TSPAN12: variants seen among roughly 807,000 people sequenced by gnomAD.
TSPAN12 encodes the protein tetraspanin-12.
In TSPAN12, 19 loss-of-function variants were observed where a neutral mutation model predicts 39.2. The observed-to-expected ratio is 0.49, with a 90% CI of 0.34 to 0.71. The LOEUF (loss-of-function observed/expected upper bound fraction) is 0.71. Among genes scored for constraint, TSPAN12 ranks in the 30% least tolerant of loss-of-function variants. The probability of loss-of-function intolerance (pLI) is 0.01; values close to 1 mark genes in which losing one functional copy is unlikely to be tolerated. For missense variants in TSPAN12, 314 were observed against 359.9 expected (o/e 0.87, Z 1.03); for synonymous variants, 119 against 124.8 (o/e 0.95, Z 0.31).
chr7:120,810,314 T>A (rs1224524539), intron 6 of TSPAN12, 149 bp downstream of exon 6: 5 of 653,860 alleles, frequency 7.6e-6, no homozygotes, highest in Non-Finnish European at 1.4e-5. Flanking sequence ...CCTAAGATAT[T>A]TTTCAAGAAA....
chr7:120,834,690 G>T (rs1794445478), intron 4 of TSPAN12, among the ~76,000 whole-genome samples: 1 of 152,078 alleles, frequency 6.6e-6, no homozygotes, highest in South Asian at 2.1e-4. Context: ...GCTCTTAAAA[G>T]TAAAACAAGA....
At chr7:120,796,938 G>A (rs534568485) in intron 7 of TSPAN12, among the ~76,000 whole-genome samples, 4 of 152,210 alleles carry the variant, frequency 2.6e-5, no homozygotes, top group South Asian at 4.2e-4. Flanking sequence ...GGCGGATCAC[G>A]AGGTCAGGAG....
chr7:120,843,357 T>C (rs577346672), intron 2 of TSPAN12, among the ~76,000 whole-genome samples: 2 of 152,332 alleles, frequency 1.3e-5, no homozygotes, highest in South Asian at 4.1e-4. Context: ...GCTGCCTCCC[T>C]CGTTGCTTGT....
At chr7:120,815,328 C>A (rs1470696099) in intron 5 of TSPAN12, among the ~76,000 whole-genome samples, 2 of 152,128 alleles carry the variant, frequency 1.3e-5, no homozygotes, top group Non-Finnish European at 2.9e-5. Flanking sequence ...TGTGTCCCCA[C>A]CCAAATCTCA....
chr7:120,789,490 A>AT (rs1793478424), intron 7 of TSPAN12, among the ~76,000 whole-genome samples: 1 of 152,248 alleles, frequency 6.6e-6, no homozygotes, highest in Non-Finnish European at 1.5e-5. Flanking sequence ...AAACACAGAC[A>AT]TAGACATACA....
At position 120,850,132 on chromosome 7, in the gene TSPAN12, T is replaced by G. The variant is rs540713307; in HGVS notation, c.66+6566A>C. On this transcript the variant is annotated intron_variant, in intron 2 of 7. Transcript: ENST00000222747. ...AATGTAAATGATGGCTGAAATACAG[T>G]CTGGAGATTACTGGTGGGTATCATT... is the stretch of plus-strand genomic sequence containing the variant. Among the ~76,000 whole-genome samples the G allele has an allele frequency of 7.9e-5, 12 of 152,326 alleles. No homozygotes were observed. The East Asian group carries it at 1.5e-3, about 20-fold the overall frequency.
At chr7:120,824,553 T>C (rs554729348) in intron 4 of TSPAN12, among the ~76,000 whole-genome samples, 40 of 152,332 alleles carry the variant, frequency 2.6e-4, no homozygotes, top group Middle Eastern at 6.8e-3. Context: ...ATTCTGTTAT[T>C]GTCAATTTCA....
At chr7:120,853,872 C>CAA (rs749642006) in intron 2 of TSPAN12, among the ~76,000 whole-genome samples, 34 of 97,796 alleles carry the variant, frequency 3.5e-4, no homozygotes, top group East Asian at 1.7e-3. Flanking sequence ...GACTCCGTCC[C>CAA]AAAAAAAAAA....
rs1389814695 is a variant in TSPAN12 at position 120,788,603 on chromosome 7, C to G, written c.907G>C (p.Glu303Gln). 3 of 1,613,994 alleles carry G rather than the reference C, an allele frequency of 1.9e-6. No individual in the cohort carries two copies. Among genetic ancestry groups the G allele is most frequent in the South Asian group, 2.2e-5 (2 of 91,076 alleles). The change falls in exon 8 of 8, where the codon GAG (glutamate) becomes CAG (glutamine). Residue 303 changes from glutamate (E) to glutamine (Q), a missense_variant. By Grantham distance (29) the Glu-to-Gln change is conservative. Coordinates refer to ENST00000222747, the MANE Select transcript of TSPAN12 (RefSeq NM_012338.4). ...ANSFNTHFEMEEL is the reference protein window; with the variant it reads ...ANSFNTHFEMQEL ...TGTGACATTTCTTTTTATAACTCCT[C>G]CATCTCAAAGTGTGTATTAAAGCTG...
intron 2 of TSPAN12, among the ~76,000 whole-genome samples, chr7:120,851,724 T>A (rs1012378913): frequency 1.3e-5 from 2 of 152,148 alleles, no homozygotes; most frequent in African/African-American, 4.8e-5. Flanking sequence ...GTAACCCACG[T>A]CCTTACTCCA....
Position 120,788,527 on chromosome 7 carries a change from T to C in TSPAN12, c.*65A>G, listed in dbSNP as rs1431065412. 2 of 1,562,420 alleles carry C rather than the reference T, an allele frequency of 1.3e-6. No homozygotes were observed. The highest frequency in any genetic ancestry group is 2.7e-5 in the African/African-American group (2 of 73,772). Reference sequence around the variant, plus strand: ...TTCTACATATTTCTGAAACACATAGTATGTACTCAAAAATTCACAAGTCCA... The same window carrying C: ...TTCTACATATTTCTGAAACACATAGCATGTACTCAAAAATTCACAAGTCCA... On this transcript the variant is annotated 3_prime_UTR_variant, in exon 8 of 8. Coordinates refer to ENST00000222747, the MANE Select transcript of TSPAN12 (RefSeq NM_012338.4).
intron 7 of TSPAN12, among the ~76,000 whole-genome samples, chr7:120,797,466 T>G (rs1793656049): frequency 6.6e-6 from 1 of 152,232 alleles, no homozygotes. Context: ...AGAGATAAAC[T>G]CCCAGCTTAT....
At chr7:120,809,770 A>G (rs1793941960) in intron 6 of TSPAN12, among the ~76,000 whole-genome samples, 1 of 152,134 alleles carries the variant, frequency 6.6e-6, no homozygotes, top group Non-Finnish European at 1.5e-5. Flanking sequence ...CCCACTTGAG[A>G]AGATGGTTGG....
intron 2 of TSPAN12, among the ~76,000 whole-genome samples, chr7:120,840,607 C>T (rs111683088): frequency 2.6e-5 from 4 of 152,208 alleles, no homozygotes; most frequent in African/African-American, 7.2e-5. Flanking sequence ...ATTCATAAAG[C>T]GCTAAAGTAT....
chr7:120,857,780 G>C (rs1478089860), intron 1 of TSPAN12, 40 bp downstream of exon 1: 2 of 152,274 alleles, frequency 1.3e-5, no homozygotes, highest in Non-Finnish European at 2.9e-5. Context: ...GGGCTGGCGG[G>C]ACAGCGGGCA....
At chr7:120,805,444 A>G (rs1205835389) in intron 7 of TSPAN12, among the ~76,000 whole-genome samples, 1 of 152,142 alleles carries the variant, frequency 6.6e-6, no homozygotes, top group Non-Finnish European at 1.5e-5. Flanking sequence ...AATATATCAA[A>G]ATGCAGGTGT....
chr7:120,806,787 CAG>C (rs1793883840), intron 6 of TSPAN12, 95 bp from the exon 7 acceptor site: 1 of 1,481,316 alleles, frequency 6.8e-7, no homozygotes, highest in South Asian at 1.2e-5. Flanking sequence ...TTTTTGTACC[CAG>C]AGCTATATCT....
At chr7:120,800,770 A>G (rs1793754819) in intron 7 of TSPAN12, among the ~76,000 whole-genome samples, 2 of 93,360 alleles carry the variant, frequency 2.1e-5, no homozygotes, top group African/African-American at 3.9e-5. Context: ...TTTTTTTGAG[A>G]CAGAGTCTCA....
Position 120,803,354 on chromosome 7 carries a change from C to A in TSPAN12, c.612+3195G>T, listed in dbSNP as rs1793810618. Among the ~76,000 whole-genome samples the A allele has an allele frequency of 2.6e-5, 4 of 152,146 alleles. No individual in the cohort carries two copies. The South Asian group carries it at 8.3e-4, about 32-fold the overall frequency. ...TGCTCTCAACTTCTGAATAAACATC[C>A]CAAATACCTCCAGCTGTTCCTCACT... On this transcript the variant is annotated intron_variant, in intron 7 of 7. Coordinates refer to ENST00000222747, the MANE Select transcript of TSPAN12 (RefSeq NM_012338.4).
Sources: allele counts gnomAD v4.1 joint callset (sites outside exome capture counted in the v4.1 genomes callset), GRCh38; gene constraint gnomAD v4.1.1; transcripts MANE v1.5; gene names NCBI Gene and HGNC (gene_info 2026-07-23, HGNC 2026-07-21).